Variants in RSRC2 observed in about 807,000 individuals in gnomAD.
RSRC2 encodes the protein arginine and serine rich coiled-coil 2, also known as arginine/serine-rich coiled-coil protein 2.
Under a neutral mutation model 61.3 loss-of-function variants are expected in RSRC2, and 5 were observed. The ratio of observed to expected loss-of-function variants is 0.08; its 90% CI spans 0.04 to 0.17. The LOEUF is 0.17. RSRC2 is among the 10% of genes least tolerant of loss of function. The probability of loss-of-function intolerance (pLI) is 1.00; values close to 1 mark genes in which losing one functional copy is unlikely to be tolerated. For synonymous variants in RSRC2, 202 were observed against 166.5 expected, an observed-to-expected ratio of 1.21 and a Z score of -1.64; for missense variants, 381 against 518.8, an observed-to-expected ratio of 0.73 and a Z score of 2.58.
Position 122,518,891 on chromosome 12 carries a change from C to T in RSRC2, c.346G>A (p.Glu116Lys). 1 of 1,614,100 alleles carries T rather than the reference C, an allele frequency of 6.2e-7. No homozygotes were observed. Among genetic ancestry groups the T allele is most frequent in the Non-Finnish European group, 8.5e-7 (1 of 1,180,014 alleles). ...CTTCTGCCTCTTGATGACTTTCTTT[C>T]TTTGCGTTTGTGCCTGTCCTCACCA... ...ENGEDRHKRKERKSSRGRSHS... is the reference protein window; with the variant it reads ...ENGEDRHKRKKRKSSRGRSHS... The change falls in exon 4 of 10, where the codon GAA becomes AAA. Residue 116 changes from glutamate (E) to lysine (K), a missense_variant. By Grantham distance (56) the Glu-to-Lys change is moderately conservative. Transcript: ENST00000331738.
chr12:122,504,167 T>C lies in RSRC2; in HGVS notation c.*1360A>G, dbSNP rs748036894. The stretch of plus-strand genomic sequence containing the variant: ...AAAATAAGGCTGTCAATCTTATTCC[T>C]GTAGTCTTCCCTGATTGTAATGTGC... On this transcript the variant is annotated 3_prime_UTR_variant, in exon 10 of 10. Coordinates refer to ENST00000331738, the MANE Select transcript of RSRC2 (RefSeq NM_023012.6). 4 of 152,216 alleles carry C rather than the reference T, an allele frequency of 2.6e-5. No individual in the cohort carries two copies. The highest frequency in any genetic ancestry group is 2.4e-5 in the African/African-American group (1 of 41,452). The allele number at this position is 152,216 out of a possible 1,614,324, so 9.4% of individuals were successfully genotyped here.
rs146283745 is a variant in RSRC2, at chr12:122,505,422, C to G, written c.*105G>C. 2 of 1,014,020 alleles carry G rather than the reference C, an allele frequency of 2.0e-6. No homozygotes were observed. Among genetic ancestry groups the G allele is most frequent in the Admixed American group, 4.9e-5 (2 of 40,938 alleles). The allele number at this position is 1,014,020 out of a possible 1,614,324, so 62.8% of individuals were successfully genotyped here. ...TTTGTATTTTTCAATAAATTAAAGT[C>G]AATGCAACACCCATGCAAGCTAGAG... On this transcript the variant is annotated 3_prime_UTR_variant, in exon 10 of 10. Coordinates refer to ENST00000331738, the MANE Select transcript of RSRC2 (RefSeq NM_023012.6).
chr12:122,503,592 G>A lies in RSRC2; in HGVS notation c.*1935C>T, dbSNP rs1056110375. ...TTTTGCGTCCACACTGCCTTAGAAG[G>A]TCATGAACATTTTTAATAAGATTGA... is the stretch of plus-strand genomic sequence containing the variant. On this transcript the variant is annotated 3_prime_UTR_variant, in exon 10 of 10. Coordinates refer to ENST00000331738, the MANE Select transcript of RSRC2 (RefSeq NM_023012.6). 3.9e-5 allele frequency: 6 copies of A among 152,198 alleles called. No individual in the cohort carries two copies. Among genetic ancestry groups the A allele is most frequent in the African/African-American group, 1.4e-4 (6 of 41,442 alleles). The allele number at this position is 152,198 out of a possible 1,614,324, so 9.4% of individuals were successfully genotyped here.
chr12:122,507,078 C>T (rs1251481310), intron 8 of RSRC2, 155 bp from the exon 9 acceptor site: 3 of 660,646 alleles, frequency 4.5e-6, no homozygotes, highest in African/African-American at 1.8e-5. Flanking sequence ...AACCACAAAG[C>T]AAAGAAATAC....
chr12:122,515,872 C>T (rs1012870673), intron 5 of RSRC2, among the ~76,000 whole-genome samples: 9 of 151,986 alleles, frequency 5.9e-5, no homozygotes, highest in African/African-American at 2.2e-4. Flanking sequence ...GCCTGTAATC[C>T]CAGCTACTCG....
Position 122,522,213 on chromosome 12 carries a change from A to C in RSRC2, c.93T>G (p.Val31=). ...DKKKEQSEVS[V]SPRASKHHYS... is the part of the protein sequence containing the mutation. ...AATGATGTTTTGAAGCTCTAGGAGAAACAGATACTTCTGACTGCTCTTTTT... is the reference window on the plus strand; with the variant it reads ...AATGATGTTTTGAAGCTCTAGGAGACACAGATACTTCTGACTGCTCTTTTT... Residue 31 remains valine (V), a synonymous_variant, in exon 2 of 10, where the codon GTT becomes GTG. Coordinates refer to ENST00000331738, the MANE Select transcript of RSRC2 (RefSeq NM_023012.6). 1 of 1,614,122 alleles carries C rather than the reference A, an allele frequency of 6.2e-7. No homozygotes were observed. Among genetic ancestry groups the C allele is most frequent in the Non-Finnish European group, 8.5e-7 (1 of 1,179,992 alleles).
chr12:122,516,199 C>T (rs1036210841), intron 5 of RSRC2, among the ~76,000 whole-genome samples: 1 of 152,130 alleles, frequency 6.6e-6, no homozygotes, highest in African/African-American at 2.4e-5. Flanking sequence ...ATCTTTCATA[C>T]ACTGACCTAA....
intron 6 of RSRC2, among the ~76,000 whole-genome samples, chr12:122,512,222 A>G (rs1958576022): frequency 6.6e-6 from 1 of 152,238 alleles, no homozygotes; most frequent in Non-Finnish European, 1.5e-5. Flanking sequence ...CCCTTTCTAT[A>G]TAGCAAATAA....
chr12:122,506,114 T>C (rs1213465171), intron 9 of RSRC2, among the ~76,000 whole-genome samples: 2 of 151,910 alleles, frequency 1.3e-5, no homozygotes, highest in Non-Finnish European at 2.9e-5. Context: ...CCGGGTGCAG[T>C]GTGGCTCACG....
At chr12:122,517,706 C>T (rs1022687724) in intron 4 of RSRC2, among the ~76,000 whole-genome samples, 1 of 152,056 alleles carries the variant, frequency 6.6e-6, no homozygotes, top group Non-Finnish European at 1.5e-5. Flanking sequence ...TAATACTCTT[C>T]CCACAGTAGT....
chr12:122,525,133 G>C (rs570127124), intron 1 of RSRC2, among the ~76,000 whole-genome samples: 1 of 152,232 alleles, frequency 6.6e-6, no homozygotes, highest in South Asian at 2.1e-4. Flanking sequence ...CAGCACTTTG[G>C]GAGGCCGAGG....
chr12:122,517,375 G>A lies in RSRC2; in HGVS notation c.454C>T (p.Arg152Trp), dbSNP rs370217351. Reference sequence around the variant, plus strand: ...CTGCTTCTGGATCTCGATTTCTTCCGCTCCCTACTCCTGGATCGAGACTTC... The same window carrying A: ...CTGCTTCTGGATCTCGATTTCTTCCACTCCCTACTCCTGGATCGAGACTTC... ...RKKSRSRSRE[R>W]KKSRSRSRER... The change falls in exon 5 of 10, where the codon CGG becomes TGG. Residue 152 changes from arginine (R) to tryptophan (W), a missense_variant. Arg to Trp is a moderately radical substitution (Grantham distance 101, BLOSUM62 -3). Around this residue, in one of 4 missense-constraint regions of RSRC2, gnomAD observed 266 missense variants for 270.5 expected, o/e 0.98. Coordinates refer to ENST00000331738, the MANE Select transcript of RSRC2 (RefSeq NM_023012.6). 7.5e-5 allele frequency: 121 copies of A among 1,613,748 alleles called. No homozygotes were observed. The highest frequency in any genetic ancestry group is 1.2e-4 in the Admixed American group (7 of 59,966).
chr12:122,511,010 C>T, intron 7 of RSRC2, 99 bp downstream of exon 7: 4 of 814,254 alleles, frequency 4.9e-6, no homozygotes, highest in Non-Finnish European at 7.7e-6. Flanking sequence ...GCTGGAGCCA[C>T]TGCACTCCAG....
At chr12:122,506,636 G>T in intron 9 of RSRC2, 198 bp downstream of exon 9, 1 of 516,800 alleles carries the variant, frequency 1.9e-6, no homozygotes, top group Non-Finnish European at 3.4e-6. Context: ...CTCTCCAAGT[G>T]TGTGTGTAGG....
Position 122,515,689 on chromosome 12 carries a change from A to G in RSRC2, c.603-462T>C, listed in dbSNP as rs781612944. On this transcript the variant is annotated intron_variant, in intron 5 of 9. Transcript: ENST00000331738. ...GTTTTTCAAAAATAAAAAGTTATTA[A>G]CCACTAAAAATTAGGTCTGGCTGGG... Among the ~76,000 whole-genome samples, 8 of 152,278 alleles carry G rather than the reference A, an allele frequency of 5.3e-5. No individual in the cohort carries two copies. The East Asian group carries it at 1.5e-3, about 29-fold the overall frequency.
chr12:122,520,309 G>A (rs547177127), intron 3 of RSRC2: 5 of 335,070 alleles, frequency 1.5e-5, no homozygotes, highest in Non-Finnish European at 2.9e-5. Context: ...GCTTAGAAAA[G>A]AAATTTTCCT....
In RSRC2 at chr12:122,515,280, T is replaced by C. The variant is rs77933700; in HGVS notation, c.603-53A>G. ...AATTATGGCCAAGTCATAACTATTT[T>C]GTTAATAAGAAATCAATTAGTTCAA... On this transcript the variant is annotated intron_variant, in intron 5 of 9. Transcript: ENST00000331738. 13,746 of 1,557,492 alleles carry C rather than the reference T, an allele frequency of 8.8e-3. 736 individuals are homozygous for C. The African/African-American group carries it at 0.14, about 16-fold the overall frequency.
At chr12:122,508,543 G>GTGCAAAAAGGCAGGATT (rs1958270750) in intron 7 of RSRC2, 96 bp from the exon 8 acceptor site, 1 of 964,536 alleles carries the variant, frequency 1.0e-6, no homozygotes, top group Non-Finnish European at 1.5e-6. Flanking sequence ...AGCTATGAAT[G>GTGCAAAAAGGCAGGATT]TGCAAAAAGG....
chr12:122,521,361 T>G (rs1336879680), intron 3 of RSRC2, 24 bp downstream of exon 3: 1 of 1,572,350 alleles, frequency 6.4e-7, no homozygotes, highest in African/African-American at 1.4e-5. Context: ...TTAAAGTACC[T>G]ATTCACTACA....
Sources: allele counts gnomAD v4.1 joint callset (sites outside exome capture counted in the v4.1 genomes callset), GRCh38; gene constraint gnomAD v4.1.1; regional missense constraint gnomAD v4.1.1; transcripts MANE v1.5; gene names NCBI Gene and HGNC (gene_info 2026-07-23, HGNC 2026-07-21).